Variants in N4BP2 observed in about 807,000 individuals in gnomAD.
The protein encoded by N4BP2 is NEDD4-binding protein 2.
A neutral mutation model predicts 152.8 loss-of-function variants in N4BP2; 91 were observed. The observed-to-expected ratio is 0.60, with a 90% CI of 0.50 to 0.71. The LOEUF (loss-of-function observed/expected upper bound fraction) is 0.71, where lower values mean the gene tolerates loss of function less well. Ranked by LOEUF, N4BP2 falls within the 30% of genes least tolerant of loss-of-function variation. The probability of loss-of-function intolerance (pLI) is 0.00; values close to 1 mark genes in which losing one functional copy is unlikely to be tolerated. For synonymous variants in N4BP2, 646 were observed against 705.3 expected, an observed-to-expected ratio of 0.92 and a Z score of 1.33; for missense variants, 1,923 against 2,059.1, an observed-to-expected ratio of 0.93 and a Z score of 1.28.
chr4:40,096,911 T>C (rs149178963), intron 2 of N4BP2, among the ~76,000 whole-genome samples: 2 of 152,208 alleles, frequency 1.3e-5, no homozygotes, highest in Non-Finnish European at 2.9e-5. Context: ...AAATTTATAA[T>C]GCCTATTGGA....
chr4:40,130,146 C>G (rs1193331558), intron 12 of N4BP2, among the ~76,000 whole-genome samples: 1 of 151,598 alleles, frequency 6.6e-6, no homozygotes, highest in Non-Finnish European at 1.5e-5. Flanking sequence ...TCACCTCAGC[C>G]CCTCAAGTAG....
At chr4:40,131,181 A>G (rs898350591) in intron 12 of N4BP2, among the ~76,000 whole-genome samples, 1 of 152,206 alleles carries the variant, frequency 6.6e-6, no homozygotes, top group Non-Finnish European at 1.5e-5. Context: ...ATGAGGACCC[A>G]TGGGGAAATT....
At chr4:40,088,484 A>G (rs1714192928) in intron 2 of N4BP2, among the ~76,000 whole-genome samples, 2 of 151,362 alleles carry the variant, frequency 1.3e-5, no homozygotes, top group African/African-American at 4.8e-5. Context: ...TTTGATAGGT[A>G]AGTAATATCT....
the N4BP2 span, among the ~76,000 whole-genome samples, chr4:40,172,357 G>A: frequency 6.6e-6 from 1 of 152,006 alleles, no homozygotes; most frequent in South Asian, 2.1e-4. Flanking sequence ...ATTTCCTTTG[G>A]CAACATCCTC....
intron 8 of N4BP2, 88 bp downstream of exon 8, chr4:40,118,112 T>A: frequency 8.7e-7 from 1 of 1,151,124 alleles, no homozygotes; most frequent in Non-Finnish European, 1.2e-6. Context: ...TCATTGCTGA[T>A]AAACTTTAAA....
chr4:40,102,487 A>C lies in N4BP2; in HGVS notation c.642A>C (p.Pro214=). 1 of 1,614,176 alleles carries C rather than the reference A, an allele frequency of 6.2e-7. No individual in the cohort carries two copies. Among genetic ancestry groups the C allele is most frequent in the Non-Finnish European group, 8.5e-7 (1 of 1,180,032 alleles). The change falls in exon 4 of 18, where the codon CCA becomes CCC. Residue 214 remains proline, a synonymous_variant. Transcript: ENST00000261435. ...ENSGSTLSLN[P]LPSHSVLNES... is the part of the protein sequence containing the mutation. ...CTGGTTCTACTTTAAGTTTAAACCC[A>C]TTACCTTCACATTCAGTTTTGAACG...
chr4:40,124,588 C>G (rs1718224927), intron 11 of N4BP2, among the ~76,000 whole-genome samples: 1 of 152,196 alleles, frequency 6.6e-6, no homozygotes, highest in African/African-American at 2.4e-5. Context: ...CTCAGGTGAT[C>G]TGCCCACCTT....
rs746797710 is a variant in N4BP2 at position 40,103,120 on chromosome 4, C to T, written c.1275C>T (p.Thr425=). The T allele has an allele frequency of 2.5e-6, 4 of 1,613,830 alleles. No homozygotes were observed. The South Asian group carries it at 4.4e-5, about 18-fold the overall frequency. ...DGTSAYQVQE[T]PVSQVVRKKT... is the part of the protein sequence containing the mutation. The stretch of plus-strand genomic sequence containing the variant: ...CAAGTGCTTATCAAGTACAAGAAAC[C>T]CCAGTTTCTCAGGTTGTAAGAAAGA... The change falls in exon 4 of 18, where the codon ACC becomes ACT. Residue 425 remains threonine, a synonymous_variant. Coordinates refer to ENST00000261435, the MANE Select transcript of N4BP2 (RefSeq NM_018177.6).
At chr4:40,188,292 G>T in the N4BP2 span, among the ~76,000 whole-genome samples, 2 of 147,578 alleles carry the variant, frequency 1.4e-5, no homozygotes, top group African/African-American at 5.0e-5. Context: ...GATGTGCAAA[G>T]GTAGACTATG....
At chr4:40,131,684 A>G (rs762195517) in intron 12 of N4BP2, 117 bp from the exon 13 acceptor site, 36 of 694,118 alleles carry the variant, frequency 5.2e-5, no homozygotes, top group Non-Finnish European at 8.6e-5. Flanking sequence ...CCGTAAAGAA[A>G]GTCTGTGATT....
intron 1 of N4BP2, among the ~76,000 whole-genome samples, chr4:40,073,237 A>G (rs1712388892): frequency 1.3e-5 from 2 of 152,198 alleles, no homozygotes; most frequent in Admixed American, 1.3e-4. Context: ...TAAAGGCAGA[A>G]TAGATGCTTA....
chr4:40,145,429 G>A (rs1034754362), intron 16 of N4BP2, among the ~76,000 whole-genome samples: 3 of 152,006 alleles, frequency 2.0e-5, no homozygotes, highest in African/African-American at 4.8e-5. Context: ...TTACCATGTT[G>A]GCCAGGCTGG....
intron 13 of N4BP2, among the ~76,000 whole-genome samples, chr4:40,134,867 TTC>T (rs1389885636): frequency 3.3e-5 from 5 of 151,838 alleles, no homozygotes; most frequent in South Asian, 4.2e-4. Flanking sequence ...CTTTCTTTCT[TTC>T]TCTCTTTCTT....
At chr4:40,144,390 C>T (rs969737023) in intron 15 of N4BP2, among the ~76,000 whole-genome samples, 1 of 152,114 alleles carries the variant, frequency 6.6e-6, no homozygotes, top group African/African-American at 2.4e-5. Flanking sequence ...CCCACTTTTA[C>T]GACTTTTGGT....
At chr4:40,128,854 T>A (rs1477194115) in intron 12 of N4BP2, among the ~76,000 whole-genome samples, 1 of 151,900 alleles carries the variant, frequency 6.6e-6, no homozygotes, top group African/African-American at 2.4e-5. Flanking sequence ...AATAAATAAA[T>A]AAAATAAGGA....
intron 14 of N4BP2, among the ~76,000 whole-genome samples, chr4:40,137,574 A>G (rs1029583765): frequency 6.6e-6 from 1 of 152,202 alleles, no homozygotes; most frequent in African/African-American, 2.4e-5. Context: ...TTGTGTTAAG[A>G]ATACCGAGAA....
At chr4:40,131,185 G>C (rs1560626858) in intron 12 of N4BP2, among the ~76,000 whole-genome samples, 1 of 152,100 alleles carries the variant, frequency 6.6e-6, no homozygotes, top group Admixed American at 6.5e-5. Flanking sequence ...GGACCCATGG[G>C]GAAATTTCTC....
intron 3 of N4BP2, among the ~76,000 whole-genome samples, chr4:40,098,423 A>C (rs1490435714): frequency 6.6e-6 from 1 of 152,220 alleles, no homozygotes; most frequent in Non-Finnish European, 1.5e-5. Context: ...TAGGTTATTA[A>C]TAACTTGTCA....
intron 3 of N4BP2, chr4:40,099,937 C>CTTTTTTTGTT: frequency 6.2e-6 from 1 of 161,450 alleles, no homozygotes. Context: ...TTTTTTCTTC[C>CTTTTTTTGTT]ATTTTTAGGT....
Sources: gnomAD v4.1 joint callset for allele counts (sites outside exome capture counted in the v4.1 genomes callset) on GRCh38, gnomAD v4.1.1 for gene constraint, MANE v1.5 for transcripts, NCBI Gene and HGNC (gene_info 2026-07-23, HGNC 2026-07-21) for gene names.